Variants in SPTB observed in about 807,000 individuals in gnomAD.
SPTB encodes the protein spectrin beta, erythrocytic.
A neutral mutation model predicts 256.2 loss-of-function variants in SPTB; 45 were observed. The ratio of observed to expected loss-of-function variants is 0.18; its 90% CI spans 0.14 to 0.23. The LOEUF is 0.23. Among genes scored for constraint, SPTB ranks in the 10% least tolerant of loss-of-function variants. The pLI is 1.00. For synonymous variants in SPTB, 1,231 were observed against 1,243.1 expected, an observed-to-expected ratio of 0.99 and a Z score of 0.21; for missense variants, 2,715 against 3,040.4, an observed-to-expected ratio of 0.89 and a Z score of 2.52.
In SPTB at chr14:64,797,501, A is replaced by AAG. The variant is rs1566768683; in HGVS notation, c.1182+226_1182+227dup. On this transcript the variant is annotated intron_variant, in intron 10 of 35. Coordinates refer to ENST00000644917, the MANE Select transcript of SPTB (RefSeq NM_001355436.2). ...AAAAAAAAAAAAAAAAAAAAAAAAA[A>AAG]AGGACTCAGGGATGCAGGGCATCTG... Among the ~76,000 whole-genome samples the AAG allele has an allele frequency of 5.1e-5, 6 of 116,730 alleles. 1 individual carries two copies. The South Asian group carries it at 1.4e-3, about 28-fold the overall frequency. The allele number at this position is 116,730 out of a possible 152,430, so 76.6% of individuals were successfully genotyped here. A position where few individuals can be genotyped will look rare whatever the true frequency, so the allele number is the denominator to read the frequency against.
intron 32 of SPTB, among the ~76,000 whole-genome samples, chr14:64,765,996 G>T (rs2082171231): frequency 6.6e-6 from 1 of 150,952 alleles, no homozygotes; most frequent in South Asian, 2.1e-4. Flanking sequence ...GTGGATGGGT[G>T]TGGTGTGTGC....
At chr14:64,818,993 C>T (rs953779430) in intron 2 of SPTB, among the ~76,000 whole-genome samples, 1 of 152,158 alleles carries the variant, frequency 6.6e-6, no homozygotes, top group Non-Finnish European at 1.5e-5. Flanking sequence ...TCATGACAGG[C>T]GGCCAGCTTA....
At position 64,769,102 on chromosome 14, in the gene SPTB, T is replaced by G. The variant is rs2082237854; in HGVS notation, c.5954A>C (p.Gln1985Pro). The G allele has an allele frequency of 2.5e-6, 4 of 1,613,898 alleles. No individual in the cohort carries two copies. In the South Asian group the frequency reaches 3.3e-5, roughly 13 times the overall value. The change falls in exon 29 of 36, where the codon CAG becomes CCG. Residue 1985 changes from glutamine to proline, a missense_variant. Transcript: ENST00000644917. ...CTCTTTCCTCCTGGACATCACCTGC[T>G]GCAGTTTCTCGCGGATCTATGGGGA... ...QASEEIREKLQQVMSRRKEMN... is the reference protein window; with the variant it reads ...QASEEIREKLPQVMSRRKEMN...
At chr14:64,799,242 C>T (rs898107549) in intron 9 of SPTB, among the ~76,000 whole-genome samples, 21 of 152,230 alleles carry the variant, frequency 1.4e-4, no homozygotes, top group Admixed American at 9.2e-4. Flanking sequence ...CACACAGGCT[C>T]TGCACACACT....
At chr14:64,803,805 G>A (rs757643451) in intron 3 of SPTB, 25 bp from the exon 4 acceptor site, 1 of 1,584,410 alleles carries the variant, frequency 6.3e-7, no homozygotes, top group Non-Finnish European at 8.6e-7. Flanking sequence ...TGGCCCCCGT[G>A]GGCATGGAGG....
intron 1 of SPTB, among the ~76,000 whole-genome samples, chr14:64,870,298 C>T (rs1040981586): frequency 6.6e-6 from 1 of 151,248 alleles, no homozygotes; most frequent in African/African-American, 2.4e-5. Context: ...ATCACAATCA[C>T]ACACACAAAA....
chr14:64,818,197 G>A (rs1193716118), intron 2 of SPTB, among the ~76,000 whole-genome samples: 2 of 152,226 alleles, frequency 1.3e-5, no homozygotes, highest in Non-Finnish European at 2.9e-5. Flanking sequence ...TCTATCCTTT[G>A]GTGATTGCTC....
At chr14:64,794,223 A>T (rs1306402253) in intron 13 of SPTB, among the ~76,000 whole-genome samples, 1 of 152,214 alleles carries the variant, frequency 6.6e-6, no homozygotes, top group Non-Finnish European at 1.5e-5. Context: ...CTCAGCCATA[A>T]CTTGAACTAG....
chr14:64,807,612 T>C lies in SPTB; in HGVS notation c.149-2522A>G, dbSNP rs1226900831. 1.3e-5 allele frequency among the ~76,000 whole-genome samples: 2 copies of C among 152,160 alleles called. No homozygotes were observed. Among genetic ancestry groups the C allele is most frequent in the African/African-American group, 4.8e-5 (2 of 41,438 alleles). On this transcript the variant is annotated intron_variant, in intron 2 of 35. Transcript: ENST00000644917. The surrounding 1 kb of genome is among the most constrained non-coding windows in gnomAD (Gnocchi z 4.7). ...AAAGATTTCGAGAGGCTAATGATGA[T>C]TGGAAGGGGAGAAAAGGCCCCAAGG...
In SPTB at chr14:64,758,264, G is replaced by A. The variant is rs1206746806; in HGVS notation, c.6346-4471C>T. ...CCTGGAGTAGCAGATGCTCAGGACTGAGAAATGGGGAATGGGAATCTCAGC... is the reference window on the plus strand; with the variant it reads ...CCTGGAGTAGCAGATGCTCAGGACTAAGAAATGGGGAATGGGAATCTCAGC... On this transcript the variant is annotated intron_variant, in intron 32 of 35. Coordinates refer to ENST00000644917, the MANE Select transcript of SPTB (RefSeq NM_001355436.2). This position sits in a 1 kb window ranked among gnomAD's most constrained non-coding sequence, Gnocchi z 4.6. Among the ~76,000 whole-genome samples the A allele has an allele frequency of 1.3e-5, 2 of 152,248 alleles. No homozygotes were observed. The highest frequency in any genetic ancestry group is 4.8e-5 in the African/African-American group (2 of 41,466).
At chr14:64,831,211 G>C (rs969466927) in intron 1 of SPTB, among the ~76,000 whole-genome samples, 1 of 152,202 alleles carries the variant, frequency 6.6e-6, no homozygotes, top group Non-Finnish European at 1.5e-5. Flanking sequence ...GCCAAGGGAG[G>C]TCAGATCTTT....
chr14:64,757,256 C>T (rs2082027604), intron 32 of SPTB: 1 of 152,224 alleles, frequency 6.6e-6, no homozygotes, highest in Non-Finnish European at 1.5e-5. Context: ...TAGAGACCTC[C>T]ATGTCTACAT....
chr14:64,872,349 C>T (rs958014298), intron 1 of SPTB, among the ~76,000 whole-genome samples: 5 of 152,190 alleles, frequency 3.3e-5, no homozygotes, highest in African/African-American at 7.2e-5. Context: ...TCCATCCTCT[C>T]GTCCTGAACC....
intron 1 of SPTB, among the ~76,000 whole-genome samples, chr14:64,831,966 G>A (rs1254768214): frequency 6.6e-6 from 1 of 152,174 alleles, no homozygotes; most frequent in Non-Finnish European, 1.5e-5. Context: ...AAAAATGGTT[G>A]TTTTTAGGTG....
intron 1 of SPTB, among the ~76,000 whole-genome samples, chr14:64,863,870 G>A (rs1286678122): frequency 3.3e-5 from 5 of 152,166 alleles, no homozygotes; most frequent in Admixed American, 6.5e-5. Flanking sequence ...AGCAAACTTC[G>A]CTTGACTAGC....
In SPTB at chr14:64,841,757, T is replaced by TATATATATA. The variant is rs200217417; in HGVS notation, c.-51-18613_-51-18612insTATATATAT. ...TGACATCCCATATATATATATATATTTTTTAAGGGTCTTTCTTTAACACAG... is the reference window on the plus strand; with the variant it reads ...TGACATCCCATATATATATATATATTATATATATATTTTAAGGGTCTTTCTTTAACACAG... On this transcript the variant is annotated intron_variant, in intron 1 of 35. Transcript: ENST00000644917. The surrounding 1 kb of genome is among the most constrained non-coding windows in gnomAD (Gnocchi z 4.6). Among the ~76,000 whole-genome samples, 26 of 151,328 alleles carry TATATATATA rather than the reference T, an allele frequency of 1.7e-4. No homozygotes were observed. The highest frequency in any genetic ancestry group is 5.1e-4 in the African/African-American group (21 of 40,924).
chr14:64,785,906 C>A lies in SPTB; in HGVS notation c.3607G>T (p.Ala1203Ser). The A allele has an allele frequency of 6.2e-7, 1 of 1,614,148 alleles. No individual in the cohort carries two copies. Among genetic ancestry groups the A allele is most frequent in the South Asian group, 1.1e-5 (1 of 91,084 alleles). ...HLEPPDSLEAAEAGIRKFEDF... is the reference protein window; with the variant it reads ...HLEPPDSLEASEAGIRKFEDF... ...TCAAACTTCCGGATCCCAGCCTCTG[C>A]AGCTTCCAGGGAGTCTGGGGGCTCC... Residue 1203 changes from alanine (A) to serine (S), a missense_variant, in exon 17 of 36, where the codon GCA becomes TCA. Ala to Ser is a moderately conservative substitution (Grantham distance 99). Coordinates refer to ENST00000644917, the MANE Select transcript of SPTB (RefSeq NM_001355436.2). This position sits in a 1 kb window ranked among gnomAD's most constrained non-coding sequence, Gnocchi z 4.4.
chr14:64,794,383 G>C, intron 13 of SPTB, 84 bp downstream of exon 13: 1 of 1,558,020 alleles, frequency 6.4e-7, no homozygotes. Flanking sequence ...TTGGTTCCAG[G>C]AGATTTATCC....
At chr14:64,794,854 A>G (rs996919543) in intron 12 of SPTB, among the ~76,000 whole-genome samples, 8 of 152,186 alleles carry the variant, frequency 5.3e-5, no homozygotes, top group African/African-American at 1.9e-4. Flanking sequence ...ACACTCATCT[A>G]CTGCATCGGT....
Sources: gnomAD v4.1 joint callset for allele counts (sites outside exome capture counted in the v4.1 genomes callset) on GRCh38, gnomAD v4.1.1 for gene constraint, Gnocchi (gnomAD v3.1) non-coding constraint, MANE v1.5 for transcripts, NCBI Gene and HGNC (gene_info 2026-07-23, HGNC 2026-07-21) for gene names.